ZMAT4: variants seen among roughly 807,000 people sequenced by gnomAD.
ZMAT4 encodes zinc finger matrin-type 4, also known as zinc finger matrin-type protein 4.
A neutral mutation model predicts 28.7 loss-of-function variants in ZMAT4; 17 were observed. The observed-to-expected ratio is 0.59, with a 90% confidence interval of 0.41 to 0.89. The LOEUF is 0.89. Ranked by LOEUF, ZMAT4 falls within the 40% of genes least tolerant of loss-of-function variation. The pLI is 0.00. For missense variants in ZMAT4, 240 were observed against 283.8 expected (o/e 0.85, Z 1.11); for synonymous variants, 117 against 109.2 (o/e 1.07, Z -0.44).
chr8:40,763,324 A>T (rs1203864284), intron 3 of ZMAT4, among the ~76,000 whole-genome samples: 1 of 152,084 alleles, frequency 6.6e-6, no homozygotes, highest in Non-Finnish European at 1.5e-5. Context: ...CTACTTTTCC[A>T]GCCATGTCTC....
At chr8:40,696,873 C>G (rs745488325) in intron 4 of ZMAT4, 1 of 163,512 alleles carries the variant, frequency 6.1e-6, no homozygotes, top group Non-Finnish European at 1.3e-5. Flanking sequence ...GGGGACCTCT[C>G]TATTACACAT....
intron 6 of ZMAT4, among the ~76,000 whole-genome samples, chr8:40,533,860 A>G (rs1563329121): frequency 6.6e-6 from 1 of 152,236 alleles, no homozygotes; most frequent in Admixed American, 6.5e-5. Context: ...AAGAAATTCA[A>G]CAGTCCTTGT....
chr8:40,856,874 C>G (rs546772994), intron 1 of ZMAT4, among the ~76,000 whole-genome samples: 1 of 152,208 alleles, frequency 6.6e-6, no homozygotes, highest in Non-Finnish European at 1.5e-5. Flanking sequence ...GTGGATGAAC[C>G]CCAGAGTCTG....
At chr8:40,557,784 G>A (rs1348925369) in intron 6 of ZMAT4, among the ~76,000 whole-genome samples, 12 of 152,096 alleles carry the variant, frequency 7.9e-5, no homozygotes, top group Non-Finnish European at 1.8e-4. Context: ...ACAAGACCCA[G>A]AAAAGCCATA....
intron 6 of ZMAT4, among the ~76,000 whole-genome samples, chr8:40,537,075 T>C (rs1297783719): frequency 2.0e-5 from 3 of 152,118 alleles, no homozygotes; most frequent in Non-Finnish European, 4.4e-5. Flanking sequence ...TAATTTGTAT[T>C]GGAAGCCTAT....
At chr8:40,539,891 C>T (rs1228830648) in intron 6 of ZMAT4, among the ~76,000 whole-genome samples, 1 of 152,084 alleles carries the variant, frequency 6.6e-6, no homozygotes, top group Non-Finnish European at 1.5e-5. Context: ...TAGTGAGTCC[C>T]TAGATAGATT....
At chr8:40,767,009 T>C (rs1813185266) in intron 3 of ZMAT4, among the ~76,000 whole-genome samples, 1 of 152,138 alleles carries the variant, frequency 6.6e-6, no homozygotes. Flanking sequence ...TTCTACTCAT[T>C]AGGAAAAGTA....
At chr8:40,813,208 G>A (rs960291954) in intron 2 of ZMAT4, among the ~76,000 whole-genome samples, 1 of 152,004 alleles carries the variant, frequency 6.6e-6, no homozygotes, top group African/African-American at 2.4e-5. Context: ...ACAAAGCCAT[G>A]CACACTTTAA....
intron 1 of ZMAT4, among the ~76,000 whole-genome samples, chr8:40,878,828 G>T (rs35141088): frequency 0.031 from 4,739 of 152,286 alleles, 120 homozygotes; most frequent in South Asian, 0.085. Flanking sequence ...TCTCTGCTGA[G>T]TGTTTTTCCA....
In ZMAT4 at chr8:40,801,280, C is replaced by T. The variant is rs1250790106; in HGVS notation, c.102+24295G>A. On this transcript the variant is annotated intron_variant, in intron 2 of 6. Transcript: ENST00000297737. Reference sequence around the variant, plus strand: ...TAAATGGGTTCACTAATGACTTCTACCAAATATTTTAGGAAAAATTATACC... The same window carrying T: ...TAAATGGGTTCACTAATGACTTCTATCAAATATTTTAGGAAAAATTATACC... 1.3e-4 allele frequency among the ~76,000 whole-genome samples: 20 copies of T among 148,850 alleles called. 1 individual carries two copies. Among genetic ancestry groups the T allele is most frequent in the African/African-American group, 2.5e-5 (1 of 40,224 alleles).
At chr8:40,601,493 G>GAAAGAAAGAAAGAA (rs1291304410) in intron 5 of ZMAT4, among the ~76,000 whole-genome samples, 1 of 63,120 alleles carries the variant, frequency 1.6e-5, no homozygotes, top group African/African-American at 3.7e-5. Context: ...AAGAAAGAAA[G>GAAAGAAAGAAAGAA]AGAGAAAGAA....
Position 40,625,540 on chromosome 8 carries a change from G to C in ZMAT4, c.578-44279C>G, listed in dbSNP as rs575795471. On this transcript the variant is annotated intron_variant, in intron 5 of 6. Coordinates refer to ENST00000297737, the MANE Select transcript of ZMAT4 (RefSeq NM_024645.3). ...GGGAGCAGAGAATACTGGGTTTATA[G>C]ACTAAACGTGACATTAGAGGGAAAG... Among the ~76,000 whole-genome samples, 33 of 152,198 alleles carry C rather than the reference G, an allele frequency of 2.2e-4. No homozygotes were observed. The East Asian group carries it at 5.8e-3, about 27-fold the overall frequency.
chr8:40,846,817 G>A (rs571516717), intron 1 of ZMAT4, among the ~76,000 whole-genome samples: 1 of 152,244 alleles, frequency 6.6e-6, no homozygotes, highest in South Asian at 2.1e-4. Flanking sequence ...GAGGAGTTCA[G>A]GTAGGTCATC....
chr8:40,605,192 T>C (rs1805538190), intron 5 of ZMAT4, among the ~76,000 whole-genome samples: 2 of 152,204 alleles, frequency 1.3e-5, no homozygotes, highest in African/African-American at 2.4e-5. Context: ...AGTTCTGTGC[T>C]GACCTTTGTT....
At chr8:40,857,127 G>A (rs1817326780) in intron 1 of ZMAT4, among the ~76,000 whole-genome samples, 1 of 152,160 alleles carries the variant, frequency 6.6e-6, no homozygotes, top group Admixed American at 6.5e-5. Flanking sequence ...CAAGTGAAGA[G>A]ACCACTGCCT....
chr8:40,839,343 G>A (rs964229462), intron 1 of ZMAT4, among the ~76,000 whole-genome samples: 6 of 152,222 alleles, frequency 3.9e-5, no homozygotes, highest in Non-Finnish European at 8.8e-5. Context: ...AAACTTACAA[G>A]TAAGCATTTT....
At chr8:40,720,191 G>A (rs1811019333) in intron 3 of ZMAT4, among the ~76,000 whole-genome samples, 2 of 152,168 alleles carry the variant, frequency 1.3e-5, no homozygotes, top group Admixed American at 1.3e-4. Flanking sequence ...CATGATTCAT[G>A]ATCTAAATAA....
intron 3 of ZMAT4, among the ~76,000 whole-genome samples, chr8:40,700,923 A>G (rs1250566264): frequency 6.6e-6 from 1 of 152,228 alleles, no homozygotes; most frequent in Non-Finnish European, 1.5e-5. Context: ...GCCAGCACCT[A>G]GCACCACATT....
At chr8:40,830,600 C>G (rs1816246101) in intron 1 of ZMAT4, among the ~76,000 whole-genome samples, 1 of 152,184 alleles carries the variant, frequency 6.6e-6, no homozygotes, top group Non-Finnish European at 1.5e-5. Context: ...CTTAAGTTAG[C>G]TGCATGACTT....
Sources: gnomAD v4.1 joint callset for allele counts (sites outside exome capture counted in the v4.1 genomes callset) on GRCh38, gnomAD v4.1.1 for gene constraint, MANE v1.5 for transcripts, NCBI Gene and HGNC (gene_info 2026-07-23, HGNC 2026-07-21) for gene names.